NOS3: variants seen among roughly 807,000 people sequenced by gnomAD.
NOS3 encodes the protein nitric oxide synthase 3.
In NOS3, 98 loss-of-function variants were observed where a neutral mutation model predicts 144.9. That is an observed-to-expected ratio of 0.68 (90% CI 0.57 to 0.80). The LOEUF (loss-of-function observed/expected upper bound fraction) is 0.80, where lower values mean the gene tolerates loss of function less well. NOS3 is among the 30% of genes least tolerant of loss of function. The pLI is 0.00. For synonymous variants in NOS3, 714 were observed against 702.4 expected (o/e 1.02, Z -0.26); for missense variants, 1,465 against 1,656.4 (o/e 0.88, Z 2.01).
intron 24 of NOS3, chr7:151,012,835 G>T (rs1795336209): frequency 5.9e-6 from 2 of 337,726 alleles, no homozygotes; most frequent in Non-Finnish European, 1.1e-5. Context: ...TTCATATTGA[G>T]CATGGGGTGC....
intron 9 of NOS3, among the ~76,000 whole-genome samples, chr7:150,999,602 G>A (rs1290696748): frequency 1.3e-5 from 2 of 151,800 alleles, no homozygotes; most frequent in African/African-American, 4.8e-5. Context: ...GGGGTGTGCA[G>A]TGGGTGAGAG....
Position 150,995,224 on chromosome 7 carries a change from C to G in NOS3, c.180C>G (p.Thr60=). 6.2e-7 allele frequency: 1 copy of G among 1,609,934 alleles called. No individual in the cohort carries two copies. The highest frequency in any genetic ancestry group is 8.5e-7 in the Non-Finnish European group (1 of 1,177,750). Residue 60 remains threonine (T), a synonymous_variant, in exon 3 of 27, where the codon ACC becomes ACG. Transcript: ENST00000297494. ...ACAGCCCCCCGAGCTCCCCGCTAAC[C>G]CAGCCCCCAGAGGGGCCCAAGTTCC... The part of the protein sequence containing the change: ...PEHSPPSSPL[T]QPPEGPKFPR...
rs374722736 is a variant in NOS3, at chr7:151,002,312, C to T, written c.1752+8C>T. The T allele has an allele frequency of 6.6e-7, 1 of 1,518,612 alleles. No homozygotes were observed. The highest frequency in any genetic ancestry group is 2.3e-5 in the East Asian group (1 of 43,154). The allele number at this position is 1,518,612 out of a possible 1,614,324, so 94.1% of individuals were successfully genotyped here. ...CCCCCGGAGAATGGAGAGGTGAGAA[C>T]TTCCAGGAAAGGGGCTGCTGGGAAT... On this transcript the variant is annotated splice_region_variant and intron_variant, in intron 14 of 26. Transcript: ENST00000297494. The surrounding 1 kb of genome is among the most constrained non-coding windows in gnomAD (Gnocchi z 4.1).
In NOS3 at chr7:151,013,990, T is replaced by C. The variant is rs768570535; in HGVS notation, c.3451-18T>C. On this transcript the variant is annotated intron_variant, in intron 26 of 26. Coordinates refer to ENST00000297494, the MANE Select transcript of NOS3 (RefSeq NM_000603.5). ...GTCTCCGAGTCGGGTTCTGATCCAC[T>C]GTGCTCTTTTCCGACAGGATCAGCA... 2.7e-5 allele frequency: 44 copies of C among 1,610,884 alleles called. No individual in the cohort carries two copies. Among genetic ancestry groups the C allele is most frequent in the Non-Finnish European group, 3.1e-5 (36 of 1,177,948 alleles).
Position 151,013,844 on chromosome 7 carries a change from A to G in NOS3, c.3376A>G (p.Thr1126Ala), listed in dbSNP as rs760492774. 3 of 1,606,024 alleles carry G rather than the reference A, an allele frequency of 1.9e-6. No homozygotes were observed. The Admixed American group carries it at 5.1e-5, about 27-fold the overall frequency. ...DVTMATNVLQ[T>A]VQRILATEGD... ...TACCATGGCAACCAACGTCCTGCAGACCGTGCAGCGCATCCTGGCGACGGA... is the reference window on the plus strand; with the variant it reads ...TACCATGGCAACCAACGTCCTGCAGGCCGTGCAGCGCATCCTGGCGACGGA... The change falls in exon 26 of 27, where the codon ACC becomes GCC. Residue 1126 changes from threonine to alanine, a missense_variant. Thr to Ala is a moderately conservative substitution (Grantham distance 58, BLOSUM62 0). Around this residue, in one of 5 missense-constraint regions of NOS3, gnomAD observed 228 missense variants for 227.7 expected, o/e 1.00. Transcript: ENST00000297494.
chr7:151,004,764 AGAG>A (rs1795180419), intron 14 of NOS3, among the ~76,000 whole-genome samples: 1 of 152,244 alleles, frequency 6.6e-6, no homozygotes, highest in African/African-American at 2.4e-5. Context: ...AGAAATTAGG[AGAG>A]GAGTTAGTCA....
rs528654243 is a variant in NOS3, at chr7:151,003,244, A to C, written c.1752+940A>C. The C allele has an allele frequency of 2.2e-6, 1 of 454,820 alleles. No homozygotes were observed. Among genetic ancestry groups the C allele is most frequent in the South Asian group, 1.6e-5 (1 of 64,192 alleles). 28.2% of individuals were successfully genotyped at this position (454,820 alleles called of 1,614,324 possible). On this transcript the variant is annotated intron_variant, in intron 14 of 26. Transcript: ENST00000297494. The surrounding 1 kb of genome is among the most constrained non-coding windows in gnomAD (Gnocchi z 4.1). ...AGACTCAAGCAATCCTCCCACTTCA[A>C]CCTCCCAAGTAGTTGGGACTACAGG...
At position 150,995,168 on chromosome 7, in the gene NOS3, C is replaced by A. The variant is rs1296000768; in HGVS notation, c.159-35C>A. 8.3e-5 allele frequency: 105 copies of A among 1,266,648 alleles called. 6 individuals carry two copies. The South Asian group carries it at 1.1e-3, about 14-fold the overall frequency. The allele number at this position is 1,266,648 out of a possible 1,614,324, so 78.5% of individuals were successfully genotyped here. A position where few individuals can be genotyped will look rare whatever the true frequency, so the allele number is the denominator to read the frequency against. On this transcript the variant is annotated intron_variant, in intron 2 of 26. Transcript: ENST00000297494. ...TCTGGGAAGGCTGAAAGGAAACAAACCCTTCCTGATGACCCTATCCCTGGC... is the reference window on the plus strand; with the variant it reads ...TCTGGGAAGGCTGAAAGGAAACAAAACCTTCCTGATGACCCTATCCCTGGC...
At chr7:151,010,475 ACT>A in intron 21 of NOS3, 120 bp from the exon 22 acceptor site, 2 of 1,158,580 alleles carry the variant, frequency 1.7e-6, no homozygotes, top group Non-Finnish European at 2.4e-6. Flanking sequence ...CTTAGAGAAA[ACT>A]CTATTGGCCT....
At position 151,010,129 on chromosome 7, in the gene NOS3, G is replaced by C. The variant is rs753566332; in HGVS notation, c.2527G>C (p.Gly843Arg). ...ACTATCCCCAGGTGGCCCTCCCCCC[G>C]GCTGGGTGCGGGACCCCCGGCTGCC... is the stretch of plus-strand genomic sequence containing the variant. ...EKGSPGGPPPGWVRDPRLPPC... is the reference protein window; with the variant it reads ...EKGSPGGPPPRWVRDPRLPPC... The change falls in exon 21 of 27, where the codon GGC becomes CGC. Residue 843 changes from glycine to arginine, a missense_variant. Gly to Arg is a moderately radical substitution (Grantham distance 125). Around this residue, in one of 5 missense-constraint regions of NOS3, gnomAD observed 745 missense variants for 853.9 expected, o/e 0.87. Coordinates refer to ENST00000297494, the MANE Select transcript of NOS3 (RefSeq NM_000603.5). 3.1e-5 allele frequency: 49 copies of C among 1,603,242 alleles called. No homozygotes were observed. The highest frequency in any genetic ancestry group is 3.7e-5 in the Non-Finnish European group (43 of 1,174,268).
intron 2 of NOS3, among the ~76,000 whole-genome samples, chr7:150,994,411 T>TCCCTC (rs1802321923): frequency 6.6e-6 from 1 of 152,170 alleles, no homozygotes; most frequent in East Asian, 1.9e-4. Flanking sequence ...AAGTGGGGTC[T>TCCCTC]CCCAGAAGAG....
At position 150,993,514 on chromosome 7, in the gene NOS3, G is replaced by A. The variant is rs2117094658; in HGVS notation, c.-51-239G>A. The stretch of plus-strand genomic sequence containing the variant: ...TCCCCAATGCCCCAGCCCCCATGCT[G>A]CAGCCCCAGGGCTCTGCTGGACACC... On this transcript the variant is annotated intron_variant, in intron 1 of 26. Transcript: ENST00000297494. This position sits in a 1 kb window ranked among gnomAD's most constrained non-coding sequence, Gnocchi z 4.0. Among the ~76,000 whole-genome samples, 1 of 152,260 alleles carries A rather than the reference G, an allele frequency of 6.6e-6. No homozygotes were observed. Among genetic ancestry groups the A allele is most frequent in the African/African-American group, 2.4e-5 (1 of 41,548 alleles).
At chr7:150,991,928 G>A (rs138595199) in intron 1 of NOS3, among the ~76,000 whole-genome samples, 1,597 of 151,866 alleles carry the variant, frequency 0.011, 10 homozygotes, top group Non-Finnish European at 0.014. Flanking sequence ...CCCAGGAGGC[G>A]GAGGTTACAG....
intron 17 of NOS3, 153 bp from the exon 18 acceptor site, chr7:151,008,777 G>A (rs1795244144): frequency 7.2e-6 from 6 of 832,264 alleles, no homozygotes; most frequent in Non-Finnish European, 1.1e-5. Flanking sequence ...TCCATGAAAT[G>A]GGCTGGCGGA....
At chr7:150,994,253 C>T (rs1802318993) in intron 2 of NOS3, among the ~76,000 whole-genome samples, 1 of 152,168 alleles carries the variant, frequency 6.6e-6, no homozygotes, top group Non-Finnish European at 1.5e-5. Flanking sequence ...TACTTAATCT[C>T]TCTGAACCTC....
chr7:150,998,815 G>A lies in NOS3; in HGVS notation c.817-131G>A. 2 of 1,453,040 alleles carry A rather than the reference G, an allele frequency of 1.4e-6. No homozygotes were observed. Among genetic ancestry groups the A allele is most frequent in the Non-Finnish European group, 1.9e-6 (2 of 1,075,746 alleles). 90.0% of individuals were successfully genotyped at this position (1,453,040 alleles called of 1,614,324 possible). A position where few individuals can be genotyped will look rare whatever the true frequency, so the allele number is the denominator to read the frequency against. ...AAGGATGAAAAACACCAAAGGAGGG[G>A]TGCCTGGGTGGTCACGGAGACCCAG... On this transcript the variant is annotated intron_variant, in intron 7 of 26. Coordinates refer to ENST00000297494, the MANE Select transcript of NOS3 (RefSeq NM_000603.5). This position sits in a 1 kb window ranked among gnomAD's most constrained non-coding sequence, Gnocchi z 5.0.
intron 17 of NOS3, among the ~76,000 whole-genome samples, chr7:151,008,303 G>C (rs1417498303): frequency 1.3e-5 from 2 of 152,150 alleles, no homozygotes; most frequent in Non-Finnish European, 2.9e-5. Flanking sequence ...GGGACTTGGT[G>C]ATATGAGGCT....
chr7:151,010,351 T>A, intron 21 of NOS3, 64 bp downstream of exon 21: 1 of 1,473,794 alleles, frequency 6.8e-7, no homozygotes, highest in Middle Eastern at 2.2e-4. Flanking sequence ...GGGACCCCAG[T>A]GGCAGGAAAC....
At chr7:150,997,775 G>C (rs561363077) in intron 5 of NOS3, among the ~76,000 whole-genome samples, 70 of 152,302 alleles carry the variant, frequency 4.6e-4, no homozygotes, top group Non-Finnish European at 8.8e-4. Context: ...CCCACTCAGA[G>C]CTGCGTCCCT....
Sources: gnomAD v4.1 joint callset for allele counts (sites outside exome capture counted in the v4.1 genomes callset) on GRCh38, gnomAD v4.1.1 for gene constraint, gnomAD v4.1.1 regional missense constraint, Gnocchi (gnomAD v3.1) non-coding constraint, MANE v1.5 for transcripts, NCBI Gene and HGNC (gene_info 2026-07-23, HGNC 2026-07-21) for gene names.